The following ABHD14A variants were observed in gnomAD, a reference collection of about 807,000 sequenced individuals.
ABHD14A encodes the protein protein ABHD14A.
In ABHD14A, 19 loss-of-function variants were observed where a neutral mutation model predicts 27.0. The observed-to-expected ratio is 0.70, with a 90% CI of 0.49 to 1.03. The LOEUF is 1.03. Among genes scored for constraint, ABHD14A ranks in the 50% least tolerant of loss-of-function variants. ABHD14A has a pLI of 0.00. For synonymous variants in ABHD14A, 148 were observed against 158.8 expected, an observed-to-expected ratio of 0.93 and a Z score of 0.51; for missense variants, 311 against 344.6, an observed-to-expected ratio of 0.90 and a Z score of 0.77.
At chr3:51,980,762 G>T (rs1464182153) in intron 4 of ABHD14A, 74 bp from the exon 5 acceptor site, 2 of 1,572,978 alleles carry the variant, frequency 1.3e-6, no homozygotes, top group African/African-American at 1.3e-5. Context: ...GTTGGGGAAG[G>T]CTTCCTAGGA....
intron 3 of ABHD14A, chr3:51,980,116 G>A (rs1014862795): frequency 8.8e-6 from 4 of 453,060 alleles, no homozygotes; most frequent in South Asian, 7.2e-5. Context: ...TAGAGACGGA[G>A]TTTCACCGTG....
intron 1 of ABHD14A, 99 bp from the exon 2 acceptor site, chr3:51,977,772 T>G: frequency 8.6e-7 from 1 of 1,162,846 alleles, no homozygotes; most frequent in South Asian, 1.4e-5. Context: ...GCTGGAGCTC[T>G]TCCTCTGCTG....
Position 51,977,929 on chromosome 3 carries a change from T to C in ABHD14A, c.128T>C (p.Leu43Pro), listed in dbSNP as rs1156552742. Residue 43 changes from leucine to proline, a missense_variant, in exon 2 of 5, where the codon CTG becomes CCG. Physicochemically the swap from Leu to Pro is moderately conservative, Grantham distance 98 (BLOSUM62 -3). Coordinates refer to ENST00000273596, the MANE Select transcript of ABHD14A (RefSeq NM_015407.5). Reference sequence around the variant, plus strand: ...GTAGCCCTGCTGGGCCTGAGTCTGCTGCTCATGCTCCTACTGTATGTGGGG... The same window carrying C: ...GTAGCCCTGCTGGGCCTGAGTCTGCCGCTCATGCTCCTACTGTATGTGGGG... Reference protein sequence around the residue: ...SQVALLGLSLLLMLLLYVGLP... With the variant: ...SQVALLGLSLPLMLLLYVGLP... 1.2e-6 allele frequency: 2 copies of C among 1,614,048 alleles called. No individual in the cohort carries two copies. The highest frequency in any genetic ancestry group is 3.3e-5 in the Admixed American group (2 of 60,010).
At chr3:51,980,294 C>A in intron 3 of ABHD14A, 99 bp from the exon 4 acceptor site, 1 of 1,030,272 alleles carries the variant, frequency 9.7e-7, no homozygotes, top group Non-Finnish European at 1.5e-6. Context: ...TAGTGTGTGC[C>A]AGTGCCAGTG....
At chr3:51,979,552 T>C in intron 3 of ABHD14A, among the ~76,000 whole-genome samples, 1 of 149,542 alleles carries the variant, frequency 6.7e-6, no homozygotes, top group Non-Finnish European at 1.5e-5. Flanking sequence ...TGGCTCGTAC[T>C]CGGCTCACTG....
intron 4 of ABHD14A, 50 bp downstream of exon 4, chr3:51,980,678 G>A (rs376541544): frequency 5.0e-6 from 8 of 1,586,708 alleles, no homozygotes; most frequent in African/African-American, 1.3e-5. Context: ...TGTGGCTTGG[G>A]GGGGTTCAGG....
rs17849626 is a variant in ABHD14A at position 51,977,896 on chromosome 3, G to A, written c.95G>A (p.Arg32Gln). 57,193 of 1,613,784 alleles carry A rather than the reference G, an allele frequency of 0.035. 1,166 individuals carry two copies. Among genetic ancestry groups the A allele is most frequent in the Non-Finnish European group, 0.042 (49,307 of 1,179,764 alleles). ...GPTVVQTSMS[R>Q]SQVALLGLSL... ...ACTGTGGTACAGACCTCCATGAGCC[G>A]GTCCCAGGTAGCCCTGCTGGGCCTG... Residue 32 changes from arginine to glutamine, a missense_variant, in exon 2 of 5, where the codon CGG becomes CAG. Arg to Gln is a conservative substitution (Grantham distance 43, BLOSUM62 1). Transcript: ENST00000273596.
Position 51,978,019 on chromosome 3 carries a change from G to T in ABHD14A, c.218G>T (p.Gly73Val). 6.2e-7 allele frequency: 1 copy of T among 1,614,078 alleles called. No individual in the cohort carries two copies. The highest frequency in any genetic ancestry group is 8.5e-7 in the Non-Finnish European group (1 of 1,180,034). The change falls in exon 2 of 5, where the codon GGT (glycine) becomes GTT (valine). Residue 73 changes from glycine (G) to valine (V), a missense_variant. Transcript: ENST00000273596. Reference sequence around the variant, plus strand: ...GACCCCAATGTCACAGTCCTGGCTGGTCTCACCCCTGGCAACTCGCCCATC... The same window carrying T: ...GACCCCAATGTCACAGTCCTGGCTGTTCTCACCCCTGGCAACTCGCCCATC... Reference protein sequence around the residue: ...WGDPNVTVLAGLTPGNSPIFY... With the variant: ...WGDPNVTVLAVLTPGNSPIFY...
At chr3:51,979,438 G>A (rs1700863287) in intron 3 of ABHD14A, among the ~76,000 whole-genome samples, 1 of 151,920 alleles carries the variant, frequency 6.6e-6, no homozygotes, top group Non-Finnish European at 1.5e-5. Context: ...ATGGGCCAAA[G>A]GATGTGTTGT....
chr3:51,980,970 G>A lies in ABHD14A; in HGVS notation c.768G>A (p.Pro256=), dbSNP rs370703648. ...GCCATGCCTGTTACCTCCACAAGCC[G>A]CAAGACTTCCACCTTGTCCTGCTTG... ...NAGHACYLHK[P]QDFHLVLLAF... is the part of the protein sequence containing the mutation. The change falls in exon 5 of 5, where the codon CCG becomes CCA. Residue 256 remains proline (P), a synonymous_variant. Transcript: ENST00000273596. 3.2e-5 allele frequency: 51 copies of A among 1,613,880 alleles called. No individual in the cohort carries two copies. Among genetic ancestry groups the A allele is most frequent in the Non-Finnish European group, 4.2e-5 (49 of 1,179,886 alleles).
intron 1 of ABHD14A, 114 bp from the exon 2 acceptor site, chr3:51,977,757 C>T (rs1700816206): frequency 9.9e-7 from 1 of 1,012,358 alleles, no homozygotes; most frequent in Non-Finnish European, 1.5e-6. Context: ...AGGGAAAGGG[C>T]AAGGGCTGGA....
At chr3:51,978,187 G>A in intron 2 of ABHD14A, 72 bp from the exon 3 acceptor site, 1 of 1,530,002 alleles carries the variant, frequency 6.5e-7, no homozygotes, top group Admixed American at 2.0e-5. Context: ...AGGGCAATGG[G>A]AGAAGCCTAG....
intron 2 of ABHD14A, 57 bp downstream of exon 2, chr3:51,978,139 T>C: frequency 1.9e-6 from 3 of 1,563,612 alleles, no homozygotes; most frequent in Middle Eastern, 3.4e-4. Flanking sequence ...AGTCCCTGTG[T>C]GGGACCCCCA....
In ABHD14A at chr3:51,981,112, G is replaced by T; in HGVS notation, c.*94G>T. On this transcript the variant is annotated 3_prime_UTR_variant, in exon 5 of 5. Coordinates refer to ENST00000273596, the MANE Select transcript of ABHD14A (RefSeq NM_015407.5). ...AGGGAGACAGCCTCTGGGATTGGAG[G>T]CCAGAGGCCAGGGTCAGACCCAGCC... is the stretch of plus-strand genomic sequence containing the variant. 1 of 1,414,170 alleles carries T rather than the reference G, an allele frequency of 7.1e-7. No homozygotes were observed. Among genetic ancestry groups the T allele is most frequent in the Non-Finnish European group, 9.7e-7 (1 of 1,028,228 alleles). The allele number at this position is 1,414,170 out of a possible 1,614,324, so 87.6% of individuals were successfully genotyped here. A position where few individuals can be genotyped will look rare whatever the true frequency, so the allele number is the denominator to read the frequency against.
chr3:51,976,536 C>T lies in ABHD14A; in HGVS notation c.69+1332C>T, dbSNP rs375677911. Among the ~76,000 whole-genome samples the T allele has an allele frequency of 2.6e-5, 4 of 152,254 alleles. No individual in the cohort carries two copies. The East Asian group carries it at 7.7e-4, about 29-fold the overall frequency. ...CTAAAAAATACAAAAATTAGCCGGG[C>T]GCGGTGGCGGGAGCCTGTAATCCCA... On this transcript the variant is annotated intron_variant, in intron 1 of 4. Transcript: ENST00000273596.
At chr3:51,980,286 G>C in intron 3 of ABHD14A, 107 bp from the exon 4 acceptor site, 1 of 949,860 alleles carries the variant, frequency 1.1e-6, no homozygotes. Context: ...GTTTTAGGTA[G>C]TGTGTGCCAG....
intron 3 of ABHD14A, 118 bp downstream of exon 3, chr3:51,978,492 C>T (rs192085877): frequency 3.1e-6 from 2 of 635,578 alleles, no homozygotes; most frequent in Admixed American, 6.8e-5. Context: ...ATGAAAAAGT[C>T]TGTGTTTTCA....
intron 1 of ABHD14A, among the ~76,000 whole-genome samples, chr3:51,977,384 T>A (rs1700808953): frequency 6.6e-6 from 1 of 152,158 alleles, no homozygotes; most frequent in Admixed American, 6.6e-5. Context: ...GGCCTGGTAG[T>A]TAGAAGCCCA....
Position 51,975,116 on chromosome 3 carries a change from G to T in ABHD14A, c.-20G>T. 6.2e-6 allele frequency: 8 copies of T among 1,290,460 alleles called. No homozygotes were observed. The highest frequency in any genetic ancestry group is 7.9e-6 in the Non-Finnish European group (8 of 1,018,856). The allele number at this position is 1,290,460 out of a possible 1,614,324, so 79.9% of individuals were successfully genotyped here. On this transcript the variant is annotated 5_prime_UTR_variant, in exon 1 of 5. Transcript: ENST00000273596. ...TGGCCGCCTAGAGCCGGAGCGGCCC[G>T]CGGAGCTGCGGAGGCAGCCATGGTC...
Sources: gnomAD v4.1 joint callset for allele counts (sites outside exome capture counted in the v4.1 genomes callset) on GRCh38, gnomAD v4.1.1 for gene constraint, MANE v1.5 for transcripts, NCBI Gene and HGNC (gene_info 2026-07-23, HGNC 2026-07-21) for gene names.